UNC5D: variants seen among roughly 807,000 people sequenced by gnomAD.
The protein encoded by UNC5D is unc-5 netrin receptor D.
UNC5D carries 39 observed loss-of-function variants against 105.4 expected under a neutral mutation model. That is an observed-to-expected ratio of 0.37 (90% CI 0.29 to 0.48). The LOEUF is 0.48. Ranked by LOEUF, UNC5D falls within the 20% of genes least tolerant of loss-of-function variation. UNC5D has a pLI of 0.98. For missense variants in UNC5D, 991 were observed against 1,202.4 expected, an observed-to-expected ratio of 0.82 and a Z score of 2.60; for synonymous variants, 452 against 450.4, an observed-to-expected ratio of 1.00 and a Z score of -0.04.
At chr8:35,362,499 A>G (rs1464442091) in intron 1 of UNC5D, among the ~76,000 whole-genome samples, 2 of 152,130 alleles carry the variant, frequency 1.3e-5, no homozygotes. Flanking sequence ...GGCAATGAAG[A>G]CCCTAACTTT....
chr8:35,459,387 T>A (rs574873942), intron 1 of UNC5D, among the ~76,000 whole-genome samples: 6 of 152,234 alleles, frequency 3.9e-5, no homozygotes, highest in Non-Finnish European at 8.8e-5. Flanking sequence ...AATTTTAAAA[T>A]TTTTGGCCCC....
At chr8:35,764,562 T>C (rs1219880263) in intron 14 of UNC5D, among the ~76,000 whole-genome samples, 1 of 152,172 alleles carries the variant, frequency 6.6e-6, no homozygotes, top group African/African-American at 2.4e-5. Context: ...TGGAGTATTT[T>C]AGAGAAAATG....
At chr8:35,575,221 C>T (rs975380798) in intron 3 of UNC5D, among the ~76,000 whole-genome samples, 5 of 152,000 alleles carry the variant, frequency 3.3e-5, no homozygotes, top group Non-Finnish European at 7.4e-5. Flanking sequence ...AGGATTCAAC[C>T]TGCATTACCC....
intron 4 of UNC5D, among the ~76,000 whole-genome samples, chr8:35,672,887 G>C (rs1398041482): frequency 6.6e-6 from 1 of 152,080 alleles, no homozygotes; most frequent in African/African-American, 2.4e-5. Context: ...ACTGAAGCGG[G>C]GAAAGTAAAG....
At chr8:35,325,931 A>G (rs1203621118) in intron 1 of UNC5D, among the ~76,000 whole-genome samples, 1 of 152,184 alleles carries the variant, frequency 6.6e-6, no homozygotes, top group Non-Finnish European at 1.5e-5. Flanking sequence ...GCACAAGTTT[A>G]CACAGCAAAT....
At chr8:35,332,890 G>T (rs1341324046) in intron 1 of UNC5D, among the ~76,000 whole-genome samples, 8 of 152,326 alleles carry the variant, frequency 5.3e-5, no homozygotes, top group African/African-American at 1.9e-4. Context: ...TGCAAACATA[G>T]CTGCCTCTAG....
At chr8:35,535,248 G>A (rs1391342982) in intron 1 of UNC5D, among the ~76,000 whole-genome samples, 1 of 151,996 alleles carries the variant, frequency 6.6e-6, no homozygotes, top group Non-Finnish European at 1.5e-5. Context: ...ATGGAGGAAG[G>A]GTGCTGAGAT....
chr8:35,581,837 G>A (rs1818485435), intron 3 of UNC5D, among the ~76,000 whole-genome samples: 1 of 151,944 alleles, frequency 6.6e-6, no homozygotes, highest in African/African-American at 2.4e-5. Context: ...TCAGTAAAGG[G>A]ACCACAGGGG....
chr8:35,311,189 G>A (rs1349261369), intron 1 of UNC5D, among the ~76,000 whole-genome samples: 6 of 152,176 alleles, frequency 3.9e-5, no homozygotes, highest in Admixed American at 1.3e-4. Flanking sequence ...GTATTTGAGT[G>A]TCTACAAAAC....
intron 16 of UNC5D, among the ~76,000 whole-genome samples, chr8:35,781,643 T>C (rs1346814492): frequency 6.6e-6 from 1 of 152,234 alleles, no homozygotes; most frequent in Non-Finnish European, 1.5e-5. Flanking sequence ...CTAGGAATGA[T>C]TGTATCTAAT....
intron 1 of UNC5D, among the ~76,000 whole-genome samples, chr8:35,467,709 A>G (rs1585910274): frequency 6.6e-6 from 1 of 152,116 alleles, no homozygotes; most frequent in African/African-American, 2.4e-5. Flanking sequence ...TTTAGGGCAA[A>G]ACTAGGACCT....
intron 8 of UNC5D, among the ~76,000 whole-genome samples, chr8:35,720,712 T>C (rs1361987219): frequency 1.3e-5 from 2 of 152,246 alleles, no homozygotes; most frequent in East Asian, 3.8e-4. Context: ...GCTCCATTCC[T>C]GTCTCTCTCA....
At chr8:35,751,252 C>T (rs1175820808) in intron 13 of UNC5D, among the ~76,000 whole-genome samples, 3 of 152,170 alleles carry the variant, frequency 2.0e-5, no homozygotes, top group Admixed American at 6.5e-5. Context: ...GTGGTGCCTA[C>T]TGATCCATGT....
chr8:35,563,600 C>G (rs1333387478), intron 2 of UNC5D, among the ~76,000 whole-genome samples: 1 of 151,924 alleles, frequency 6.6e-6, no homozygotes, highest in Non-Finnish European at 1.5e-5. Context: ...CAAATGGATG[C>G]CTTTTATTTG....
intron 2 of UNC5D, among the ~76,000 whole-genome samples, chr8:35,566,653 C>T (rs1817358642): frequency 6.6e-6 from 1 of 152,188 alleles, no homozygotes; most frequent in Admixed American, 6.5e-5. Context: ...ATGACGTAGC[C>T]TCCTGAGTCA....
intron 1 of UNC5D, among the ~76,000 whole-genome samples, chr8:35,546,628 A>G (rs920953891): frequency 1.3e-4 from 20 of 152,188 alleles, no homozygotes; most frequent in African/African-American, 4.8e-4. Context: ...TAAGCAGTTG[A>G]TGCTCATATA....
chr8:35,793,090 C>A lies in UNC5D; in HGVS notation c.*2527C>A. The A allele has an allele frequency of 2.2e-6, 1 of 453,354 alleles. No individual in the cohort carries two copies. The highest frequency in any genetic ancestry group is 2.4e-5 in the Admixed American group (1 of 42,116). 28.1% of individuals were successfully genotyped at this position (453,354 alleles called of 1,614,324 possible). A position where few individuals can be genotyped will look rare whatever the true frequency, so the allele number is the denominator to read the frequency against. On this transcript the variant is annotated 3_prime_UTR_variant, in exon 17 of 17. Coordinates refer to ENST00000404895, the MANE Select transcript of UNC5D (RefSeq NM_080872.4). ...AGCCTAAGATTCAATCAAATTCATC[C>A]TTCAGCCTGTCTTGTTTCTTCTTTA... is the stretch of plus-strand genomic sequence containing the variant.
chr8:35,737,491 A>G (rs1021086220), intron 11 of UNC5D, among the ~76,000 whole-genome samples: 12 of 143,976 alleles, frequency 8.3e-5, no homozygotes, highest in Non-Finnish European at 9.2e-5. Context: ...AAAGGGTAGG[A>G]AAAAAAAAAT....
chr8:35,492,033 T>C (rs1289232474), intron 1 of UNC5D, among the ~76,000 whole-genome samples: 1 of 152,044 alleles, frequency 6.6e-6, no homozygotes, highest in Non-Finnish European at 1.5e-5. Flanking sequence ...TAAGTGATAG[T>C]CTCAAATGTT....
Sources: gnomAD v4.1 joint callset for allele counts (sites outside exome capture counted in the v4.1 genomes callset) on GRCh38, gnomAD v4.1.1 for gene constraint, MANE v1.5 for transcripts, NCBI Gene and HGNC (gene_info 2026-07-23, HGNC 2026-07-21) for gene names.